Variants in CRYBA4 observed in about 807,000 individuals in gnomAD.
CRYBA4 encodes crystallin beta A4.
Under a neutral mutation model 31.7 loss-of-function variants are expected in CRYBA4, and 30 were observed. That is an observed-to-expected ratio of 0.95 (90% confidence interval 0.71 to 1.28). CRYBA4 has a LOEUF of 1.28. Among genes scored for constraint, CRYBA4 ranks in the 50% most tolerant of loss-of-function variants. CRYBA4 has a pLI of 0.00. For missense variants in CRYBA4, 225 were observed against 260.7 expected (o/e 0.86, Z 0.94); for synonymous variants, 102 against 102.3 (o/e 1.00, Z 0.02).
chr22:26,609,078 A>T, the CRYBA4 span, among the ~76,000 whole-genome samples: 3 of 152,124 alleles, frequency 2.0e-5, no homozygotes, highest in Non-Finnish European at 4.4e-5. Flanking sequence ...GAACTCCTTG[A>T]CCTTTGCTCC....
chr22:26,612,702 G>T, the CRYBA4 span, among the ~76,000 whole-genome samples: 2 of 152,204 alleles, frequency 1.3e-5, no homozygotes, highest in Admixed American at 1.3e-4. Flanking sequence ...AGGAACTTAT[G>T]AACCTCCCTT....
upstream of CRYBA4, chr22:26,617,908 CCT>C (rs1417758897): frequency 6.5e-6 from 1 of 153,468 alleles, no homozygotes; most frequent in Non-Finnish European, 1.5e-5. Context: ...TCTCTGCCTC[CCT>C]CTCTCTGTCT....
chr22:26,608,847 T>C, the CRYBA4 span, among the ~76,000 whole-genome samples: 2 of 152,204 alleles, frequency 1.3e-5, no homozygotes, highest in Non-Finnish European at 2.9e-5. Flanking sequence ...TACCCTCAGA[T>C]ACCTATGGTA....
Position 26,630,514 on chromosome 22 carries a change from T to A in CRYBA4, c.*27T>A. On this transcript the variant is annotated 3_prime_UTR_variant, in exon 6 of 6. Transcript: ENST00000354760. The stretch of plus-strand genomic sequence containing the variant: ...CAGGGGTGCGGCACGGAGGAGCGCA[T>A]GCGTGCTTATCTGCAATGGAGGCGC... 1 of 1,603,266 alleles carries A rather than the reference T, an allele frequency of 6.2e-7. No homozygotes were observed. The highest frequency in any genetic ancestry group is 2.2e-5 in the East Asian group (1 of 44,826).
At chr22:26,608,167 AT>A in the CRYBA4 span, 1 of 1,196,188 alleles carries the variant, frequency 8.4e-7, no homozygotes, top group Non-Finnish European at 1.2e-6. Flanking sequence ...TCTGGGTTTG[AT>A]TTTAGGCTCT....
chr22:26,596,284 A>G, the CRYBA4 span, among the ~76,000 whole-genome samples: 2 of 151,906 alleles, frequency 1.3e-5, no homozygotes, highest in Non-Finnish European at 2.9e-5. Context: ...TTTAATAGAG[A>G]TGGGGCTTCA....
chr22:26,627,488 T>TTTTCTTTCTTTCTTTC lies in CRYBA4; in HGVS notation c.301-778_301-763dup, dbSNP rs201917169. ...TCTTTCTTTCTTTCTCTTTCTTTCCTTTTCTTTCTTTCTTTCTTTCTTTCT... is the reference window on the plus strand; with the variant it reads ...TCTTTCTTTCTTTCTCTTTCTTTCCTTTTCTTTCTTTCTTTCTTTCTTTCTTTCTTTCTTTCTTTCT... On this transcript the variant is annotated intron_variant, in intron 4 of 5. Coordinates refer to ENST00000354760, the MANE Select transcript of CRYBA4 (RefSeq NM_001886.3). Among the ~76,000 whole-genome samples the TTTTCTTTCTTTCTTTC allele has an allele frequency of 3.7e-3, 304 of 81,634 alleles. 5 individuals are homozygous for TTTTCTTTCTTTCTTTC. Among genetic ancestry groups the TTTTCTTTCTTTCTTTC allele is most frequent in the Non-Finnish European group, 5.2e-3 (237 of 45,726 alleles). 53.6% of individuals were successfully genotyped at this position (81,634 alleles called of 152,430 possible).
the CRYBA4 span, chr22:26,612,169 T>G: frequency 6.2e-7 from 1 of 1,612,436 alleles, no homozygotes; most frequent in South Asian, 1.1e-5. Context: ...CCCTGGAAGT[T>G]TTCCAGTTCG....
chr22:26,614,804 C>T, the CRYBA4 span, among the ~76,000 whole-genome samples: 1 of 152,090 alleles, frequency 6.6e-6, no homozygotes. Context: ...CAAAACCCGT[C>T]TCATAATTCG....
At chr22:26,621,154 G>C (rs1239181994), upstream of CRYBA4, among the ~76,000 whole-genome samples, 1 of 152,340 alleles carries the variant, frequency 6.6e-6, no homozygotes, top group East Asian at 1.9e-4. Context: ...AATTGTACAA[G>C]TCCTGGATAT....
At chr22:26,598,308 C>T in the CRYBA4 span, among the ~76,000 whole-genome samples, 12 of 152,296 alleles carry the variant, frequency 7.9e-5, no homozygotes, top group African/African-American at 2.4e-4. Flanking sequence ...TTTATTTATA[C>T]GACTGCCTGC....
the CRYBA4 span, among the ~76,000 whole-genome samples, chr22:26,611,541 C>T: frequency 6.7e-6 from 1 of 149,814 alleles, no homozygotes; most frequent in East Asian, 2.0e-4. Context: ...GTGGCGCAAT[C>T]TCGGCTCACT....
chr22:26,598,029 C>A, the CRYBA4 span, among the ~76,000 whole-genome samples: 3 of 152,058 alleles, frequency 2.0e-5, no homozygotes, highest in Non-Finnish European at 4.4e-5. Context: ...ATTACAGGCA[C>A]CCGCCACCAC....
chr22:26,603,947 A>G, the CRYBA4 span, among the ~76,000 whole-genome samples: 1 of 152,130 alleles, frequency 6.6e-6, no homozygotes, highest in African/African-American at 2.4e-5. Flanking sequence ...ACAAACAACC[A>G]GGCCCACCCT....
At chr22:26,604,163 G>A in the CRYBA4 span, among the ~76,000 whole-genome samples, 1 of 151,980 alleles carries the variant, frequency 6.6e-6, no homozygotes, top group Non-Finnish European at 1.5e-5. Context: ...GGACCTCAGT[G>A]TCTAGGTTCA....
the CRYBA4 span, among the ~76,000 whole-genome samples, chr22:26,610,493 C>G: frequency 6.6e-6 from 1 of 152,158 alleles, no homozygotes; most frequent in South Asian, 2.1e-4. Context: ...GTTTGAGTCA[C>G]TGGTACCAAA....
chr22:26,612,322 A>T, the CRYBA4 span: 5 of 667,506 alleles, frequency 7.5e-6, no homozygotes, highest in South Asian at 8.1e-5. Flanking sequence ...TTGTGAAATG[A>T]TCCTGTCCTC....
chr22:26,629,005 A>G (rs1203667647), intron 5 of CRYBA4, among the ~76,000 whole-genome samples: 2 of 152,220 alleles, frequency 1.3e-5, no homozygotes, highest in Non-Finnish European at 2.9e-5. Context: ...GTGAGAGGCC[A>G]CAGGCTCTTT....
At chr22:26,625,970 G>A (rs1929692506) in intron 4 of CRYBA4, among the ~76,000 whole-genome samples, 1 of 152,094 alleles carries the variant, frequency 6.6e-6, no homozygotes, top group Non-Finnish European at 1.5e-5. Flanking sequence ...AGGGCCAAGT[G>A]GAGAGGAAAG....
Sources: allele counts gnomAD v4.1 joint callset (sites outside exome capture counted in the v4.1 genomes callset), GRCh38; gene constraint gnomAD v4.1.1; transcripts MANE v1.5; gene names NCBI Gene and HGNC (gene_info 2026-07-23, HGNC 2026-07-21).